The following IL17RA variants were observed in gnomAD, a reference collection of about 807,000 sequenced individuals.
IL17RA encodes the protein interleukin-17 receptor A.
IL17RA carries 34 observed loss-of-function variants against 50.4 expected under a neutral mutation model. The observed-to-expected ratio is 0.67, with a 90% CI of 0.51 to 0.90. IL17RA has a LOEUF of 0.90. Among genes scored for constraint, IL17RA ranks in the 40% least tolerant of loss-of-function variants. The pLI is 0.00. For synonymous variants in IL17RA, 585 were observed against 510.4 expected (o/e 1.15, Z -1.97); for missense variants, 1,276 against 1,169.8 (o/e 1.09, Z -1.32).
chr22:17,107,777 T>C lies in IL17RA; in HGVS notation c.1087+9T>C, dbSNP rs1215550934. On this transcript the variant is annotated intron_variant, in intron 12 of 12. Transcript: ENST00000319363. Reference sequence around the variant, plus strand: ...TGACACCAAATACACCGGTCAGTATTTCCTGGTTTGCATGTTTGCTTATTT... The same window carrying C: ...TGACACCAAATACACCGGTCAGTATCTCCTGGTTTGCATGTTTGCTTATTT... 3 of 1,613,080 alleles carry C rather than the reference T, an allele frequency of 1.9e-6. No homozygotes were observed. The highest frequency in any genetic ancestry group is 3.3e-5 in the Admixed American group (2 of 60,028).
Position 17,085,170 on chromosome 22 carries a change from GC to G in IL17RA, c.83del (p.Pro28ArgfsTer21). The G allele has an allele frequency of 1.3e-6, 2 of 1,524,420 alleles. No individual in the cohort carries two copies. The allele number at this position is 1,524,420 out of a possible 1,614,324, so 94.4% of individuals were successfully genotyped here. On this transcript the variant is annotated frameshift_variant, in exon 1 of 13. Coordinates refer to ENST00000319363, the MANE Select transcript of IL17RA (RefSeq NM_014339.7). LOFTEE classifies it high-confidence loss of function. ...GLLLLLLGVL[A>X]PGGASLRLLD... Reference sequence around the variant, plus strand: ...GCTCCTGCTGCTCCTGGGCGTGCTGGCCCCGGGTGGCGCCTCCCTGCGACTC... The same window carrying G: ...GCTCCTGCTGCTCCTGGGCGTGCTGGCCCGGGTGGCGCCTCCCTGCGACTC...
At chr22:17,106,715 A>G (rs564958564) in intron 11 of IL17RA, among the ~76,000 whole-genome samples, 32 of 152,232 alleles carry the variant, frequency 2.1e-4, no homozygotes, top group South Asian at 1.0e-3. Flanking sequence ...CGTCAGGATT[A>G]GGTGTTAATC....
chr22:17,097,968 CT>C, intron 3 of IL17RA, 25 bp downstream of exon 3: 1 of 1,613,300 alleles, frequency 6.2e-7, no homozygotes, highest in Non-Finnish European at 8.5e-7. Flanking sequence ...CAGCAGGGCC[CT>C]GGGGGATTCT....
chr22:17,102,907 C>T (rs2061396935), intron 7 of IL17RA, among the ~76,000 whole-genome samples: 1 of 152,134 alleles, frequency 6.6e-6, no homozygotes, highest in African/African-American at 2.4e-5. Context: ...TTTGGGAGGC[C>T]AAGGCAGGTG....
intron 10 of IL17RA, 96 bp from the exon 11 acceptor site, chr22:17,105,754 CAGA>C: frequency 5.8e-6 from 8 of 1,387,588 alleles, no homozygotes; most frequent in Non-Finnish European, 7.1e-6. Context: ...GTGGTGGGGC[CAGA>C]GAGGACAGAG....
chr22:17,085,765 G>T (rs2061325267), intron 1 of IL17RA, among the ~76,000 whole-genome samples: 1 of 152,172 alleles, frequency 6.6e-6, no homozygotes, highest in South Asian at 2.1e-4. Flanking sequence ...AGCCGGGCGA[G>T]CCCACGTCGT....
chr22:17,109,069 T>C lies in IL17RA; in HGVS notation c.1850T>C (p.Ile617Thr), dbSNP rs2061427642. ...EEPLLPPGTG[I>T]VKRAPLVREP... ...CCACTGCTGCCTCCGGGAACCGGCA[T>C]CGTGAAGCGGGCGCCCCTGGTGCGC... The change falls in exon 13 of 13, where the codon ATC (isoleucine) becomes ACC (threonine). Residue 617 changes from isoleucine (I) to threonine (T), a missense_variant. By Grantham distance (89) the Ile-to-Thr change is moderately conservative. Transcript: ENST00000319363. The C allele has an allele frequency of 1.3e-6, 2 of 1,583,530 alleles. No individual in the cohort carries two copies. The highest frequency in any genetic ancestry group is 1.7e-6 in the Non-Finnish European group (2 of 1,173,230).
At chr22:17,100,645 G>A (rs1329807172) in intron 5 of IL17RA, among the ~76,000 whole-genome samples, 164 bp downstream of exon 5, 3 of 152,248 alleles carry the variant, frequency 2.0e-5, no homozygotes, top group South Asian at 2.1e-4. Flanking sequence ...GTGCTTTGGT[G>A]TGTGCTGCAA....
rs977449576 is a variant in IL17RA at position 17,109,856 on chromosome 22, TGAGA to T, written c.*40_*43del. 5.2e-6 allele frequency: 8 copies of T among 1,531,970 alleles called. No individual in the cohort carries two copies. In the African/African-American group the frequency reaches 1.1e-4, roughly 21 times the overall value. 94.9% of individuals were successfully genotyped at this position (1,531,970 alleles called of 1,614,324 possible). ...CCAGGGACCGCCCAGATCCCAGCTT[TGAGA>T]GAGGAGTGTGTGTGCACGTATTCAT... On this transcript the variant is annotated 3_prime_UTR_variant, in exon 13 of 13. Transcript: ENST00000319363.
Position 17,108,600 on chromosome 22 carries a change from C to G in IL17RA, c.1381C>G (p.Arg461Gly). Residue 461 changes from arginine (R) to glycine (G), a missense_variant, in exon 13 of 13, where the codon CGG becomes GGG. Coordinates refer to ENST00000319363, the MANE Select transcript of IL17RA (RefSeq NM_014339.7). ...TRAKWQALLG[R>G]GAPVRLRCDH... ...CGCCAAGTGGCAGGCGCTCCTGGGC[C>G]GGGGGGCGCCTGTGCGGCTGCGCTG... The G allele has an allele frequency of 1.2e-6, 2 of 1,604,570 alleles. No homozygotes were observed. The highest frequency in any genetic ancestry group is 1.7e-6 in the Non-Finnish European group (2 of 1,179,538).
At chr22:17,090,403 CATTT>C (rs1187907614) in intron 1 of IL17RA, among the ~76,000 whole-genome samples, 1 of 152,226 alleles carries the variant, frequency 6.6e-6, no homozygotes, top group African/African-American at 2.4e-5. Context: ...TCAGTCCTTT[CATTT>C]GTTTGGCATT....
At chr22:17,094,162 TTAG>T (rs1168819521) in intron 1 of IL17RA, among the ~76,000 whole-genome samples, 4 of 151,884 alleles carry the variant, frequency 2.6e-5, no homozygotes, top group African/African-American at 9.7e-5. Context: ...TTTTGTATTT[TTAG>T]TAGAGACAGG....
chr22:17,101,318 G>T (rs186124852), intron 5 of IL17RA, among the ~76,000 whole-genome samples: 1 of 152,328 alleles, frequency 6.6e-6, no homozygotes, highest in Non-Finnish European at 1.5e-5. Flanking sequence ...GCTTGTTAAG[G>T]ATGGTGTTGA....
At position 17,103,502 on chromosome 22, in the gene IL17RA, A is replaced by G. The variant is rs754450906; in HGVS notation, c.771A>G (p.Pro257=). ...EHMHHIPAPR[P]EEFHQRSNVT... is the part of the protein sequence containing the mutation. The stretch of plus-strand genomic sequence containing the variant: ...CTCGCCTCTCTCCTCAGCCCAGACC[A>G]GAAGAGTTCCACCAGCGATCCAACG... Residue 257 remains proline, a synonymous_variant, in exon 8 of 13, where the codon CCA becomes CCG. Transcript: ENST00000319363. The G allele has an allele frequency of 1.1e-5, 17 of 1,613,834 alleles. No individual in the cohort carries two copies. The highest frequency in any genetic ancestry group is 1.4e-5 in the Non-Finnish European group (16 of 1,179,912).
Position 17,111,696 on chromosome 22 carries a change from T to C in IL17RA, c.*1876T>C, listed in dbSNP as rs545338159. On this transcript the variant is annotated 3_prime_UTR_variant, in exon 13 of 13. Coordinates refer to ENST00000319363, the MANE Select transcript of IL17RA (RefSeq NM_014339.7). ...CAGTGAGGAGGAGAAGATTCGGAAA[T>C]GTGACAGGAGAGCAAACAGGACAGT... is the stretch of plus-strand genomic sequence containing the variant. The C allele has an allele frequency of 6.6e-6, 1 of 152,110 alleles. No homozygotes were observed. The highest frequency in any genetic ancestry group is 1.5e-5 in the Non-Finnish European group (1 of 67,986). 9.4% of individuals were successfully genotyped at this position (152,110 alleles called of 1,614,324 possible).
At position 17,107,623 on chromosome 22, in the gene IL17RA, C is replaced by G. The variant is rs566093240; in HGVS notation, c.1046-104C>G. On this transcript the variant is annotated intron_variant, in intron 11 of 12. Coordinates refer to ENST00000319363, the MANE Select transcript of IL17RA (RefSeq NM_014339.7). ...CTCGCTGCTCAGTCTCGGGGCTGCC[C>G]CCTTACCCTTCACCCTTTGTCAGGG... 2,995 of 1,000,790 alleles carry G rather than the reference C, an allele frequency of 3.0e-3. 8 individuals are homozygous for G. The highest frequency in any genetic ancestry group is 3.5e-3 in the Non-Finnish European group (2,210 of 623,082). The allele number at this position is 1,000,790 out of a possible 1,614,324, so 62.0% of individuals were successfully genotyped here. A position where few individuals can be genotyped will look rare whatever the true frequency, so the allele number is the denominator to read the frequency against.
At position 17,103,437 on chromosome 22, in the gene IL17RA, ACCCAACTAGCCTTACCCAT is replaced by A. The variant is rs550869999; in HGVS notation, c.763-35_763-17del. 175 of 1,432,306 alleles carry A rather than the reference ACCCAACTAGCCTTACCCAT, an allele frequency of 1.2e-4. 1 individual carries two copies. Among genetic ancestry groups the A allele is most frequent in the South Asian group, 4.4e-4 (37 of 84,562 alleles). 88.7% of individuals were successfully genotyped at this position (1,432,306 alleles called of 1,614,324 possible). A position where few individuals can be genotyped will look rare whatever the true frequency, so the allele number is the denominator to read the frequency against. On this transcript the variant is annotated intron_variant, in intron 7 of 12. Transcript: ENST00000319363. ...CATGGCAGTGCCACAGCGTGTTCTT[ACCCAACTAGCCTTACCCAT>A]CCCAACTAGCCTTACCCATCCTCGC...
chr22:17,104,804 A>G lies in IL17RA; in HGVS notation c.925A>G (p.Thr309Ala). ...TGTTTCCTGCCCAGAAATGCCAGACACTCCAGGTAGGGGACATGCGGCTGT... is the reference window on the plus strand; with the variant it reads ...TGTTTCCTGCCCAGAAATGCCAGACGCTCCAGGTAGGGGACATGCGGCTGT... ...ATVSCPEMPD[T>A]PEPIPDYMPL... The change falls in exon 9 of 13, where the codon ACT becomes GCT. Residue 309 changes from threonine (T) to alanine (A), a missense_variant. Physicochemically the swap from Thr to Ala is moderately conservative, Grantham distance 58. Transcript: ENST00000319363. 6.2e-7 allele frequency: 1 copy of G among 1,613,924 alleles called. No homozygotes were observed. Among genetic ancestry groups the G allele is most frequent in the Non-Finnish European group, 8.5e-7 (1 of 1,179,920 alleles).
rs374537654 is a variant in IL17RA at position 17,104,773 on chromosome 22, C to T, written c.894C>T (p.Ser298=). ...GCCTCAATGACTGCCTCAGACACTC[C>T]GCGACTGTTTCCTGCCCAGAAATGC... ...SSCLNDCLRH[S]ATVSCPEMPD... is the part of the protein sequence containing the mutation. The change falls in exon 9 of 13, where the codon TCC becomes TCT. Residue 298 remains serine, a synonymous_variant. Coordinates refer to ENST00000319363, the MANE Select transcript of IL17RA (RefSeq NM_014339.7). The T allele has an allele frequency of 5.1e-5, 82 of 1,613,996 alleles. No homozygotes were observed. In the East Asian group the frequency reaches 1.2e-3, roughly 23 times the overall value.
Sources: allele counts gnomAD v4.1 joint callset (sites outside exome capture counted in the v4.1 genomes callset), GRCh38; gene constraint gnomAD v4.1.1; transcripts MANE v1.5; gene names NCBI Gene and HGNC (gene_info 2026-07-23, HGNC 2026-07-21).